C12orf76: variants seen among roughly 807,000 people sequenced by gnomAD.
C12orf76 encodes chromosome 12 open reading frame 76, also known as uncharacterized protein C12orf76.
In C12orf76, 6 loss-of-function variants were observed where a neutral mutation model predicts 6.8. The ratio of observed to expected loss-of-function variants is 0.88; its 90% CI spans 0.48 to 1.73. The LOEUF is 1.73. Ranked by LOEUF, C12orf76 falls within the 40% of genes most tolerant of loss-of-function variation. C12orf76 has a pLI of 0.01. For missense variants in C12orf76, 99 were observed against 98.2 expected, an observed-to-expected ratio of 1.01 and a Z score of -0.03; for synonymous variants, 56 against 43.7, an observed-to-expected ratio of 1.28 and a Z score of -1.11.
At chr12:110,049,298 G>A (rs1262732516), upstream of C12orf76, 1 of 152,432 alleles carries the variant, frequency 6.6e-6, no homozygotes, top group African/African-American at 2.4e-5. Flanking sequence ...CCTAAACCCA[G>A]TTTCATGTGT....
upstream of C12orf76, among the ~76,000 whole-genome samples, chr12:110,052,143 G>A (rs191254721): frequency 8.0e-4 from 120 of 150,132 alleles, no homozygotes; most frequent in African/African-American, 2.5e-3. Context: ...TGATCCGCCC[G>A]CCTTGGCCTC....
chr12:110,066,356 A>G (rs1892859039), intron 1 of C12orf76, among the ~76,000 whole-genome samples: 1 of 134,886 alleles, frequency 7.4e-6, no homozygotes, highest in African/African-American at 2.8e-5. Context: ...GTGACAAAGC[A>G]AGACTCCATC....
chr12:110,068,303 A>AGAG (rs1555253417), upstream of C12orf76, among the ~76,000 whole-genome samples: 2 of 145,792 alleles, frequency 1.4e-5, no homozygotes, highest in African/African-American at 5.0e-5. Flanking sequence ...AAGAAGAAGA[A>AGAG]GAAGAAGAAG....
At chr12:110,068,447 C>G (rs574113131), upstream of C12orf76, among the ~76,000 whole-genome samples, 1 of 152,114 alleles carries the variant, frequency 6.6e-6, no homozygotes, top group Non-Finnish European at 1.5e-5. Context: ...CTTCAACTGC[C>G]CAGTTACATG....
At chr12:110,058,917 G>A in intron 3 of C12orf76, 1 of 1,450,636 alleles carries the variant, frequency 6.9e-7, no homozygotes, top group Non-Finnish European at 9.1e-7. Context: ...ATTAACTTTT[G>A]CAATTCTTAC....
intron 1 of C12orf76, among the ~76,000 whole-genome samples, chr12:110,046,891 G>A (rs985102639): frequency 6.6e-6 from 1 of 152,076 alleles, no homozygotes; most frequent in Admixed American, 6.6e-5. Context: ...ACTTCTTACA[G>A]TGTTTATCAT....
intron 2 of C12orf76, among the ~76,000 whole-genome samples, chr12:110,062,132 C>T (rs1015154649): frequency 1.3e-5 from 2 of 151,932 alleles, no homozygotes; most frequent in African/African-American, 2.4e-5. Context: ...GGCGTGGTGG[C>T]GCACGCCTGT....
chr12:110,054,301 A>C lies in C12orf76; in HGVS notation n.664+2888T>G, dbSNP rs1018133708. On this transcript the variant is annotated intron_variant and non_coding_transcript_variant, in intron 4 of 4. Coordinates refer to the C12orf76 transcript ENST00000309050. This position sits in a 1 kb window ranked among gnomAD's most constrained non-coding sequence, Gnocchi z 4.4. ...CACTATTCACATAACCCAAATGTTC[A>C]TCTATGGATGAATGGATAGGCAAAA... is the stretch of plus-strand genomic sequence containing the variant. Among the ~76,000 whole-genome samples, 1 of 152,216 alleles carries C rather than the reference A, an allele frequency of 6.6e-6. No individual in the cohort carries two copies. The highest frequency in any genetic ancestry group is 1.5e-5 in the Non-Finnish European group (1 of 68,042).
In C12orf76 at chr12:110,059,435, C is replaced by T. The variant is rs1044054760; in HGVS notation, n.381-272G>A. On this transcript the variant is annotated intron_variant and non_coding_transcript_variant, in intron 2 of 4. Transcript: ENST00000309050. ...CAGCAGCGGTGAAAGCGGGCATCCT[C>T]GTCCTGTTCCTGATCTCAGGAAGAA... is the stretch of plus-strand genomic sequence containing the variant. Among the ~76,000 whole-genome samples, 4 of 152,204 alleles carry T rather than the reference C, an allele frequency of 2.6e-5. No homozygotes were observed. The South Asian group carries it at 6.2e-4, about 24-fold the overall frequency.
intron 1 of C12orf76, among the ~76,000 whole-genome samples, chr12:110,067,021 C>T (rs1248595582): frequency 6.6e-6 from 1 of 152,240 alleles, no homozygotes; most frequent in African/African-American, 2.4e-5. Flanking sequence ...TCTCCTGTCC[C>T]TCTCTCAACC....
chr12:110,043,876 A>C (rs1213150721), intron 1 of C12orf76, among the ~76,000 whole-genome samples: 2 of 151,936 alleles, frequency 1.3e-5, no homozygotes, highest in East Asian at 1.9e-4. Context: ...AAAACAAAAA[A>C]AAAAATGTTA....
intron 2 of C12orf76, among the ~76,000 whole-genome samples, chr12:110,060,809 G>A: frequency 6.6e-6 from 1 of 152,078 alleles, no homozygotes; most frequent in South Asian, 2.1e-4. Context: ...GCTGAGGTGG[G>A]CGGATCACCT....
chr12:110,042,720 G>T, intron 1 of C12orf76: 1 of 634,390 alleles, frequency 1.6e-6, no homozygotes, highest in Non-Finnish European at 2.8e-6. Flanking sequence ...AGGGTGGGCA[G>T]CAAGAAGGGG....
At chr12:110,045,881 C>G (rs1227420332) in intron 1 of C12orf76, 4 of 174,894 alleles carry the variant, frequency 2.3e-5, no homozygotes, top group Middle Eastern at 1.5e-3. Flanking sequence ...ATCACTTGAA[C>G]CTGGGCGGTG....
At chr12:110,070,930 C>T (rs565493619), upstream of C12orf76, among the ~76,000 whole-genome samples, 1 of 152,172 alleles carries the variant, frequency 6.6e-6, no homozygotes, top group Non-Finnish European at 1.5e-5. Context: ...ACACACTACC[C>T]CGCCCAACTA....
At chr12:110,057,746 C>T (rs150534850) in intron 3 of C12orf76, among the ~76,000 whole-genome samples, 346 of 152,114 alleles carry the variant, frequency 2.3e-3, no homozygotes, top group African/African-American at 8.0e-3. Context: ...GGGTAAAAAT[C>T]AAGGGCTAAA....
upstream of C12orf76, among the ~76,000 whole-genome samples, chr12:110,053,809 C>T (rs561840097): frequency 1.3e-5 from 2 of 151,438 alleles, no homozygotes; most frequent in African/African-American, 2.4e-5. Flanking sequence ...TTGGGCCAGG[C>T]GCGGTGGCTC....
At chr12:110,068,068 C>T (rs539629843), upstream of C12orf76, among the ~76,000 whole-genome samples, 1 of 151,698 alleles carries the variant, frequency 6.6e-6, no homozygotes, top group Non-Finnish European at 1.5e-5. Flanking sequence ...AAAAAATTAG[C>T]TGGGCGTAGT....
intron 1 of C12orf76, among the ~76,000 whole-genome samples, chr12:110,067,001 T>G (rs1892879558): frequency 6.6e-6 from 1 of 152,184 alleles, no homozygotes; most frequent in Non-Finnish European, 1.5e-5. Context: ...CACCTGTGAG[T>G]GGAGTTTGTT....
Sources: gnomAD v4.1 joint callset for allele counts (sites outside exome capture counted in the v4.1 genomes callset) on GRCh38, gnomAD v4.1.1 for gene constraint, Gnocchi (gnomAD v3.1) non-coding constraint, MANE v1.5 for transcripts, NCBI Gene and HGNC (gene_info 2026-07-23, HGNC 2026-07-21) for gene names.